The following PLXNA4 variants were observed in gnomAD, a reference collection of about 807,000 sequenced individuals.
The protein encoded by PLXNA4 is plexin-A4.
In PLXNA4, 44 loss-of-function variants were observed where a neutral mutation model predicts 191.8. The ratio of observed to expected loss-of-function variants is 0.23; its 90% confidence interval spans 0.18 to 0.29. PLXNA4 has a LOEUF of 0.29. Ranked by LOEUF, PLXNA4 falls within the 10% of genes least tolerant of loss-of-function variation. The pLI is 1.00. For synonymous variants in PLXNA4, 1,082 were observed against 1,009.5 expected (o/e 1.07, Z -1.36); for missense variants, 1,800 against 2,488.8 (o/e 0.72, Z 5.89).
chr7:132,438,816 T>C (rs1431169316), intron 3 of PLXNA4, among the ~76,000 whole-genome samples: 1 of 152,200 alleles, frequency 6.6e-6, no homozygotes, highest in African/African-American at 2.4e-5. Flanking sequence ...ATCATCCTTA[T>C]AGCTGATTGT....
intron 3 of PLXNA4, among the ~76,000 whole-genome samples, chr7:132,461,904 G>C (rs139457343): frequency 6.6e-6 from 1 of 152,212 alleles, no homozygotes; most frequent in Non-Finnish European, 1.5e-5. Context: ...GGCAAATGCC[G>C]ATCTACTAGG....
chr7:132,369,073 T>G (rs1341736537), intron 3 of PLXNA4, among the ~76,000 whole-genome samples: 1 of 152,204 alleles, frequency 6.6e-6, no homozygotes, highest in East Asian at 1.9e-4. Flanking sequence ...CCTGGCCTGA[T>G]GTGTCTGGCT....
At chr7:132,521,807 C>T (rs546716675) in intron 1 of PLXNA4, among the ~76,000 whole-genome samples, 1 of 152,296 alleles carries the variant, frequency 6.6e-6, no homozygotes, top group Admixed American at 6.5e-5. Context: ...ACCTCTACCT[C>T]TGAAATCAAC....
intron 3 of PLXNA4, among the ~76,000 whole-genome samples, chr7:132,325,928 TC>T (rs1303828078): frequency 6.6e-6 from 1 of 152,136 alleles, no homozygotes; most frequent in African/African-American, 2.4e-5. Context: ...CAGTAGCCCT[TC>T]CTACCCACTG....
intron 3 of PLXNA4, among the ~76,000 whole-genome samples, chr7:132,439,494 A>ATATACAT (rs11281235): frequency 0.74 from 112,265 of 151,676 alleles, 45,275 homozygotes; most frequent in Non-Finnish European, 0.91. Flanking sequence ...ATATGCATAT[A>ATATACAT]TATACATACG....
chr7:132,246,793 A>ATCC (rs1799070793), intron 4 of PLXNA4, among the ~76,000 whole-genome samples: 11 of 151,316 alleles, frequency 7.3e-5, no homozygotes, highest in Non-Finnish European at 1.3e-4. Flanking sequence ...CATCATCATC[A>ATCC]TCATCATCAT....
intron 4 of PLXNA4, among the ~76,000 whole-genome samples, chr7:132,249,383 G>A (rs938603527): frequency 4.6e-5 from 7 of 152,188 alleles, no homozygotes; most frequent in South Asian, 2.1e-4. Context: ...CTGGGAACTC[G>A]GACAGCCAAG....
At chr7:132,398,039 C>T (rs1404118702) in intron 3 of PLXNA4, among the ~76,000 whole-genome samples, 1 of 152,144 alleles carries the variant, frequency 6.6e-6, no homozygotes, top group African/African-American at 2.4e-5. Context: ...ATGCCAAGTC[C>T]CATGCCTGGA....
At chr7:132,598,621 T>C (rs763538537) in intron 2 of PLXNA4, among the ~76,000 whole-genome samples, 4 of 152,252 alleles carry the variant, frequency 2.6e-5, no homozygotes, top group Non-Finnish European at 5.9e-5. Flanking sequence ...TGTATTTCAT[T>C]TGGAGTTCTC....
intron 1 of PLXNA4, among the ~76,000 whole-genome samples, chr7:132,524,262 T>A (rs1216232638): frequency 6.6e-6 from 1 of 152,164 alleles, no homozygotes; most frequent in Non-Finnish European, 1.5e-5. Flanking sequence ...AACCTAGAAT[T>A]TGATGCTTAT....
chr7:132,324,850 A>G (rs1202868413), intron 3 of PLXNA4, among the ~76,000 whole-genome samples: 2 of 152,186 alleles, frequency 1.3e-5, no homozygotes, highest in African/African-American at 4.8e-5. Context: ...TCGACAAAAT[A>G]CAGTATAAGC....
At chr7:132,150,009 A>G (rs1241261474) in intron 25 of PLXNA4, among the ~76,000 whole-genome samples, 1 of 152,168 alleles carries the variant, frequency 6.6e-6, no homozygotes, top group African/African-American at 2.4e-5. Flanking sequence ...CTGGGGCTCC[A>G]GTCCCTGGGG....
At chr7:132,179,514 CACACACACACATTCGCACAG>C (rs1450992839) in intron 20 of PLXNA4, among the ~76,000 whole-genome samples, 153 bp downstream of exon 20, 1 of 150,968 alleles carries the variant, frequency 6.6e-6, no homozygotes, top group Admixed American at 6.6e-5. Flanking sequence ...CACACACATG[CACACACACACATTCGCACAG>C]ACACACACAC....
At chr7:132,154,805 C>T (rs1462146332) in intron 25 of PLXNA4, among the ~76,000 whole-genome samples, 3 of 152,176 alleles carry the variant, frequency 2.0e-5, no homozygotes, top group Non-Finnish European at 2.9e-5. Context: ...TGACCTCTCT[C>T]GCAGCAGCTC....
At chr7:132,139,885 A>G (rs989301762) in intron 30 of PLXNA4, among the ~76,000 whole-genome samples, 1 of 152,216 alleles carries the variant, frequency 6.6e-6, no homozygotes, top group Non-Finnish European at 1.5e-5. Flanking sequence ...TCTGTGATGA[A>G]TAAATAAAGC....
At chr7:132,623,453 G>A (rs981631133) in intron 2 of PLXNA4, among the ~76,000 whole-genome samples, 1 of 152,164 alleles carries the variant, frequency 6.6e-6, no homozygotes, top group African/African-American at 2.4e-5. Context: ...AACAGTCTAT[G>A]CCTCTGGCTG....
intron 3 of PLXNA4, among the ~76,000 whole-genome samples, chr7:132,447,024 T>C (rs1159319604): frequency 6.6e-6 from 1 of 152,114 alleles, no homozygotes; most frequent in African/African-American, 2.4e-5. Context: ...TATATTAGAA[T>C]TGCAAACAAA....
intron 31 of PLXNA4, among the ~76,000 whole-genome samples, chr7:132,132,184 G>T (rs559916969): frequency 9.8e-5 from 15 of 152,302 alleles, no homozygotes; most frequent in African/African-American, 1.7e-4. Context: ...GCACATGCCT[G>T]TGTCTTCCTG....
intron 1 of PLXNA4, among the ~76,000 whole-genome samples, chr7:132,528,235 G>A (rs1246830553): frequency 6.6e-6 from 1 of 152,170 alleles, no homozygotes; most frequent in African/African-American, 2.4e-5. Context: ...CCAGGAAGGT[G>A]AACTCCCAGG....
Sources: allele counts gnomAD v4.1 joint callset (sites outside exome capture counted in the v4.1 genomes callset), GRCh38; gene constraint gnomAD v4.1.1; transcripts MANE v1.5; gene names NCBI Gene and HGNC (gene_info 2026-07-23, HGNC 2026-07-21).